The following SQSTM1 variants were observed in gnomAD, a reference collection of about 807,000 sequenced individuals.
The protein encoded by SQSTM1 is sequestosome-1.
Under a neutral mutation model 45.1 loss-of-function variants are expected in SQSTM1, and 36 were observed. That is an observed-to-expected ratio of 0.80 (90% confidence interval 0.61 to 1.05). SQSTM1 has a LOEUF of 1.05. SQSTM1 is among the 50% of genes least tolerant of loss of function. The probability of loss-of-function intolerance (pLI) is 0.00; values close to 1 mark genes in which losing one functional copy is unlikely to be tolerated. For synonymous variants in SQSTM1, 290 were observed against 244.3 expected (o/e 1.19, Z -1.74); for missense variants, 617 against 607.1 (o/e 1.02, Z -0.17).
In SQSTM1 at chr5:179,836,547, C is replaced by T. The variant is rs201239306; in HGVS notation, c.1277C>T (p.Ala426Val). 1.3e-4 allele frequency: 203 copies of T among 1,614,146 alleles called. No individual in the cohort carries two copies. Among genetic ancestry groups the T allele is most frequent in the South Asian group, 4.1e-4 (37 of 91,086 alleles). The change falls in exon 8 of 8, where the codon GCG (alanine) becomes GTG (valine). Residue 426 changes from alanine to valine, a missense_variant. Physicochemically the swap from Ala to Val is moderately conservative, Grantham distance 64. Transcript: ENST00000389805. ...CAGACCAAGAACTATGACATCGGAGCGGCTCTGGACACCATCCAGTATTCA... is the reference window on the plus strand; with the variant it reads ...CAGACCAAGAACTATGACATCGGAGTGGCTCTGGACACCATCCAGTATTCA... ...LLQTKNYDIGAALDTIQYSKH... is the reference protein window; with the variant it reads ...LLQTKNYDIGVALDTIQYSKH...
intron 5 of SQSTM1, among the ~76,000 whole-genome samples, chr5:179,830,862 C>T (rs1758181136): frequency 6.6e-6 from 1 of 151,916 alleles, no homozygotes; most frequent in Admixed American, 6.6e-5. Context: ...AGCCCCGTGC[C>T]CAGCTATTTT....
upstream of SQSTM1, among the ~76,000 whole-genome samples, chr5:179,816,929 A>C (rs1235597389): frequency 4.6e-5 from 7 of 152,054 alleles, no homozygotes; most frequent in African/African-American, 1.4e-4. Context: ...CTTAGGTCCC[A>C]GCGCGACCCG....
Position 179,836,770 on chromosome 5 carries a change from T to C in SQSTM1, c.*177T>C, listed in dbSNP as rs958008519. 5 of 924,920 alleles carry C rather than the reference T, an allele frequency of 5.4e-6. No individual in the cohort carries two copies. Among genetic ancestry groups the C allele is most frequent in the African/African-American group, 4.9e-5 (3 of 61,354 alleles). The allele number at this position is 924,920 out of a possible 1,614,324, so 57.3% of individuals were successfully genotyped here. ...AAGTGACATGAAGGGAGGGTCCCTGTGTGTGTGTGTGCTGATGTTTCCTGG... is the reference window on the plus strand; with the variant it reads ...AAGTGACATGAAGGGAGGGTCCCTGCGTGTGTGTGTGCTGATGTTTCCTGG... On this transcript the variant is annotated 3_prime_UTR_variant, in exon 8 of 8. Coordinates refer to ENST00000389805, the MANE Select transcript of SQSTM1 (RefSeq NM_003900.5).
chr5:179,830,049 C>T (rs1758147752), intron 5 of SQSTM1, among the ~76,000 whole-genome samples: 2 of 152,152 alleles, frequency 1.3e-5, no homozygotes, highest in African/African-American at 4.8e-5. Context: ...GCAGAGGGTG[C>T]AACGAGCCTG....
At position 179,806,410 on chromosome 5, in the gene SQSTM1, C is replaced by A. The variant is rs1197359111; in HGVS notation, c.-338C>A. ...CCTGCGTCGGCTTCCGGCCGCCTTC[C>A]GCGGCCACCGCCGGGCCCGCTCCCG... On this transcript the variant is annotated 5_prime_UTR_variant, in exon 1 of 6. Transcript: ENST00000514093. This position sits in a 1 kb window ranked among gnomAD's most constrained non-coding sequence, Gnocchi z 4.6. 1.9e-5 allele frequency: 18 copies of A among 945,312 alleles called. No homozygotes were observed. Among genetic ancestry groups the A allele is most frequent in the Non-Finnish European group, 2.2e-5 (17 of 765,684 alleles). 58.6% of individuals were successfully genotyped at this position (945,312 alleles called of 1,614,324 possible).
In SQSTM1 at chr5:179,837,222, A is replaced by T; in HGVS notation, c.*629A>T. On this transcript the variant is annotated 3_prime_UTR_variant, in exon 8 of 8. Transcript: ENST00000389805. ...TAGCCATCCTGTTAAATTTGTAAAC[A>T]ATCTAATTAAATGGCATCAGCACTT... The T allele has an allele frequency of 6.3e-7, 1 of 1,588,528 alleles. No homozygotes were observed. Among genetic ancestry groups the T allele is most frequent in the Non-Finnish European group, 8.5e-7 (1 of 1,173,006 alleles).
intron 5 of SQSTM1, among the ~76,000 whole-genome samples, chr5:179,829,514 T>C (rs544991358): frequency 2.6e-5 from 4 of 152,080 alleles, no homozygotes; most frequent in African/African-American, 9.7e-5. Context: ...CTCAGTGAGA[T>C]ACAAAAGAGC....
At chr5:179,827,614 G>A (rs1355626723) in intron 5 of SQSTM1, among the ~76,000 whole-genome samples, 1 of 152,220 alleles carries the variant, frequency 6.6e-6, no homozygotes, top group East Asian at 1.9e-4. Flanking sequence ...AAAAGCTAAA[G>A]GCTTAAAGTG....
intron 1 of SQSTM1, among the ~76,000 whole-genome samples, chr5:179,810,685 C>T (rs1011441847): frequency 3.3e-5 from 5 of 152,150 alleles, no homozygotes; most frequent in African/African-American, 4.8e-5. Context: ...CCTGAGGAAT[C>T]GCTACACTGA....
chr5:179,836,088 A>G (rs1409331859), intron 7 of SQSTM1: 2 of 408,226 alleles, frequency 4.9e-6, no homozygotes, highest in Non-Finnish European at 9.2e-6. Flanking sequence ...TCAATGCCCC[A>G]TCATCTCTTG....
chr5:179,814,339 A>G (rs2890059), upstream of SQSTM1, among the ~76,000 whole-genome samples: 1 of 152,182 alleles, frequency 6.6e-6, no homozygotes, highest in Non-Finnish European at 1.5e-5. Flanking sequence ...TCTTTGGAGA[A>G]TGTACATCAC....
Position 179,833,600 on chromosome 5 carries a change from C to A in SQSTM1, c.983C>A (p.Ser328Ter). ...SEGRPEEQME[S>*]DNCSGGDDDW... ...GTTTTGTTCCAGGAACAGATGGAGT[C>A]GGATAACTGTTCAGGAGGAGATGAT... The change falls in exon 7 of 8, where the codon TCG becomes TAG. Residue 328 changes from serine to a stop codon, truncating the protein, a stop_gained. Transcript: ENST00000389805. LOFTEE classifies it high-confidence loss of function. 6.2e-7 allele frequency: 1 copy of A among 1,614,108 alleles called. No homozygotes were observed. The highest frequency in any genetic ancestry group is 1.1e-5 in the South Asian group (1 of 91,072).
intron 7 of SQSTM1, among the ~76,000 whole-genome samples, chr5:179,834,092 G>A (rs1413723771): frequency 1.3e-5 from 2 of 150,846 alleles, no homozygotes; most frequent in African/African-American, 4.9e-5. Context: ...ACAGAGAGGG[G>A]GCAGCACTGG....
intron 2 of SQSTM1, chr5:179,812,044 T>C (rs1235140275): frequency 6.6e-6 from 1 of 152,158 alleles, no homozygotes; most frequent in Non-Finnish European, 1.5e-5. Flanking sequence ...GACTTCATGA[T>C]CCGCCCGCCT....
At chr5:179,822,764 G>T in intron 1 of SQSTM1, 194 bp from the exon 2 acceptor site, 1 of 666,694 alleles carries the variant, frequency 1.5e-6, no homozygotes, top group Non-Finnish European at 2.8e-6. Flanking sequence ...GCCCAGGTCG[G>T]AGCACTCACC....
chr5:179,836,706 A>AG lies in SQSTM1; in HGVS notation c.*117dup. On this transcript the variant is annotated 3_prime_UTR_variant, in exon 8 of 8. Transcript: ENST00000389805. ...AGTTTCTCTGCCTTCTTCCAGGATC[A>AG]GGGGTTAGGGTGCAAGAAGCCATTT... The AG allele has an allele frequency of 6.5e-7, 1 of 1,538,412 alleles. No homozygotes were observed. The highest frequency in any genetic ancestry group is 9.0e-7 in the Non-Finnish European group (1 of 1,114,036).
chr5:179,820,800 G>T, upstream of SQSTM1: 1 of 838,648 alleles, frequency 1.2e-6, no homozygotes, highest in Non-Finnish European at 1.7e-6. Context: ...CTCGCGCCGC[G>T]ACGACGGTGG....
chr5:179,808,546 G>C (rs59108011), intron 1 of SQSTM1: 1 of 152,208 alleles, frequency 6.6e-6, no homozygotes, highest in Admixed American at 6.5e-5. Context: ...GGCCGGGCGC[G>C]GTGGCTCATG....
upstream of SQSTM1, among the ~76,000 whole-genome samples, chr5:179,818,178 A>T (rs1292697927): frequency 6.6e-6 from 1 of 152,078 alleles, no homozygotes; most frequent in African/African-American, 2.4e-5. Context: ...GCCAGGGAAA[A>T]GTCACCAGGT....
Sources: allele counts gnomAD v4.1 joint callset (sites outside exome capture counted in the v4.1 genomes callset), GRCh38; gene constraint gnomAD v4.1.1; non-coding constraint Gnocchi (gnomAD v3.1); transcripts MANE v1.5; gene names NCBI Gene and HGNC (gene_info 2026-07-23, HGNC 2026-07-21).